Variants in SLC9C1 observed in about 807,000 individuals in gnomAD.
The protein encoded by SLC9C1 is solute carrier family 9 member C1, also known as sodium/hydrogen exchanger 10.
SLC9C1 carries 97 observed loss-of-function variants against 140.9 expected under a neutral mutation model. The observed-to-expected ratio is 0.69, with a 90% CI of 0.58 to 0.82. SLC9C1 has a LOEUF of 0.82. Ranked by LOEUF, SLC9C1 falls within the 40% of genes least tolerant of loss-of-function variation. The pLI is 0.00. For missense variants in SLC9C1, 1,340 were observed against 1,389.3 expected (o/e 0.96, Z 0.56); for synonymous variants, 440 against 442.6 (o/e 0.99, Z 0.07).
rs2078415428 is a variant in SLC9C1, at chr3:112,217,498, T to C, written c.1734A>G (p.Arg578=). 6.2e-7 allele frequency: 1 copy of C among 1,610,984 alleles called. No homozygotes were observed. The highest frequency in any genetic ancestry group is 1.1e-5 in the South Asian group (1 of 90,094). Residue 578 remains arginine, a synonymous_variant, in exon 15 of 29, where the codon AGA becomes AGG. Transcript: ENST00000305815. ...TATACACCCAATTAAGTAGTAGTTT[T>C]CTAGCAAAGGTAACTGTTTTTTGGC... The part of the protein sequence containing the change: ...SESQKTVTFA[R]KLLLNWVYNT...
chr3:112,159,073 C>G (rs922119405), intron 26 of SLC9C1, among the ~76,000 whole-genome samples: 7 of 151,140 alleles, frequency 4.6e-5, no homozygotes, highest in African/African-American at 1.5e-4. Context: ...TTCAAGTTCC[C>G]TGAGGTGTGT....
At position 112,221,227 on chromosome 3, in the gene SLC9C1, T is replaced by TA. The variant is rs761439476; in HGVS notation, c.1573-3dup. Reference sequence around the variant, plus strand: ...CCTGTATTGTCTCTGGTAGCTTGCCTAAAAAAATATTAATTCAAGTCATTA... The same window carrying TA: ...CCTGTATTGTCTCTGGTAGCTTGCCTAAAAAAAATATTAATTCAAGTCATTA... On this transcript the variant is annotated splice_polypyrimidine_tract_variant and splice_region_variant and intron_variant, in intron 13 of 28. Transcript: ENST00000305815. The TA allele has an allele frequency of 6.1e-5, 98 of 1,611,574 alleles. No homozygotes were observed. The highest frequency in any genetic ancestry group is 7.5e-5 in the Non-Finnish European group (88 of 1,178,462).
intron 10 of SLC9C1, among the ~76,000 whole-genome samples, chr3:112,254,991 G>GCATT (rs1164577137): frequency 6.6e-6 from 1 of 151,972 alleles, no homozygotes; most frequent in African/African-American, 2.4e-5. Flanking sequence ...ACAAAGAAGG[G>GCATT]CATTACACAA....
At chr3:112,233,405 T>A (rs2108182017) in intron 12 of SLC9C1, among the ~76,000 whole-genome samples, 1 of 152,282 alleles carries the variant, frequency 6.6e-6, no homozygotes, top group Non-Finnish European at 1.5e-5. Context: ...CACAGCCTCC[T>A]CTTTTGAATT....
intron 6 of SLC9C1, among the ~76,000 whole-genome samples, chr3:112,273,655 A>T (rs372035494): frequency 2.0e-5 from 3 of 152,296 alleles, no homozygotes; most frequent in East Asian, 3.9e-4. Flanking sequence ...ATAGGAAAGA[A>T]TAGAGGTATA....
In SLC9C1 at chr3:112,172,072, T is replaced by TA. The variant is rs2077257475; in HGVS notation, c.2920-2745dup. Among the ~76,000 whole-genome samples the TA allele has an allele frequency of 2.6e-5, 4 of 152,236 alleles. No individual in the cohort carries two copies. The South Asian group carries it at 8.3e-4, about 32-fold the overall frequency. On this transcript the variant is annotated intron_variant, in intron 23 of 28. Coordinates refer to ENST00000305815, the MANE Select transcript of SLC9C1 (RefSeq NM_183061.3). ...ACTTTTTTATATTTGTTTTGCCTAT[T>TA]ATAGGTCCTCTGCATTTTCATATAT...
chr3:112,209,202 G>A (rs964335549), intron 15 of SLC9C1, among the ~76,000 whole-genome samples: 1 of 72,780 alleles, frequency 1.4e-5, no homozygotes, highest in African/African-American at 4.4e-5. Context: ...TACAATTTTG[G>A]ATACCATTTG....
chr3:112,278,671 T>A, intron 4 of SLC9C1, 58 bp downstream of exon 4: 2 of 1,511,446 alleles, frequency 1.3e-6, no homozygotes, highest in Non-Finnish European at 1.8e-6. Context: ...TTTAAAAATT[T>A]GAACATAGAT....
chr3:112,195,553 TGTTAA>T (rs528568453), intron 20 of SLC9C1, among the ~76,000 whole-genome samples: 91 of 152,228 alleles, frequency 6.0e-4, no homozygotes, highest in African/African-American at 2.1e-3. Context: ...TTGTCTTTTG[TGTTAA>T]GTTGATTTTT....
chr3:112,150,840 A>ATATAT (rs1331641000), intron 28 of SLC9C1, among the ~76,000 whole-genome samples: 23 of 57,324 alleles, frequency 4.0e-4, no homozygotes, highest in African/African-American at 1.5e-3. Context: ...ATATATATAT[A>ATATAT]TTTTTTTTTT....
intron 10 of SLC9C1, among the ~76,000 whole-genome samples, chr3:112,259,598 A>G (rs1237269627): frequency 1.3e-5 from 2 of 152,130 alleles, no homozygotes; most frequent in Non-Finnish European, 1.5e-5. Context: ...CACAAGGAAG[A>G]AAACAACAGA....
In SLC9C1 at chr3:112,152,031, A is replaced by G. The variant is rs147236614; in HGVS notation, c.3418-68T>C. The G allele has an allele frequency of 7.9e-3, 9,585 of 1,221,018 alleles. 58 individuals are homozygous for G. Among genetic ancestry groups the G allele is most frequent in the Middle Eastern group, 0.019 (68 of 3,590 alleles). 75.6% of individuals were successfully genotyped at this position (1,221,018 alleles called of 1,614,324 possible). A position where few individuals can be genotyped will look rare whatever the true frequency, so the allele number is the denominator to read the frequency against. ...TTTTGAAGGGGGCCTGCCCCTCCACACCTGTGGGTATTTCTCGCAAGGTGG... is the reference window on the plus strand; with the variant it reads ...TTTTGAAGGGGGCCTGCCCCTCCACGCCTGTGGGTATTTCTCGCAAGGTGG... On this transcript the variant is annotated intron_variant, in intron 27 of 28. Coordinates refer to ENST00000305815, the MANE Select transcript of SLC9C1 (RefSeq NM_183061.3).
chr3:112,167,135 T>C, intron 26 of SLC9C1, 86 bp downstream of exon 26: 3 of 1,482,422 alleles, frequency 2.0e-6, no homozygotes, highest in Non-Finnish European at 2.8e-6. Context: ...TTAGGCAGAA[T>C]GCAAACAACA....
chr3:112,252,846 G>C (rs1255707294), intron 10 of SLC9C1, among the ~76,000 whole-genome samples: 1 of 151,782 alleles, frequency 6.6e-6, no homozygotes, highest in African/African-American at 2.4e-5. Context: ...CTCCACAGTA[G>C]GCGAGATCTA....
In SLC9C1 at chr3:112,234,086, G is replaced by C. The variant is rs375056189; in HGVS notation, c.1447-2600C>G. 8.5e-5 allele frequency among the ~76,000 whole-genome samples: 13 copies of C among 152,112 alleles called. No individual in the cohort carries two copies. In the East Asian group the frequency reaches 2.3e-3, roughly 27 times the overall value. On this transcript the variant is annotated intron_variant, in intron 12 of 28. Coordinates refer to ENST00000305815, the MANE Select transcript of SLC9C1 (RefSeq NM_183061.3). ...CTTCCACAATGGTTGAACTAGTTTA[G>C]AGTCCCACCAACAGTGTAAAAGTGC...
At chr3:112,258,489 A>G (rs373358600) in intron 10 of SLC9C1, among the ~76,000 whole-genome samples, 72 of 152,056 alleles carry the variant, frequency 4.7e-4, no homozygotes, top group African/African-American at 1.6e-3. Context: ...GCTGGAGTGC[A>G]ACAGTGCAAT....
chr3:112,255,010 G>A (rs993004600), intron 10 of SLC9C1, among the ~76,000 whole-genome samples: 5 of 151,984 alleles, frequency 3.3e-5, no homozygotes, highest in African/African-American at 9.7e-5. Flanking sequence ...AATGGTAAAG[G>A]GTTCAATTCA....
intron 20 of SLC9C1, among the ~76,000 whole-genome samples, chr3:112,190,091 G>T (rs933156756): frequency 6.6e-6 from 1 of 152,134 alleles, no homozygotes; most frequent in African/African-American, 2.4e-5. Flanking sequence ...TTTGTATCCC[G>T]AGACTTTGCT....
intron 10 of SLC9C1, among the ~76,000 whole-genome samples, chr3:112,257,151 C>T (rs1243730196): frequency 6.6e-6 from 1 of 152,122 alleles, no homozygotes; most frequent in African/African-American, 2.4e-5. Flanking sequence ...AAATTGAATG[C>T]TATTCTTATC....
Sources: gnomAD v4.1 joint callset for allele counts (sites outside exome capture counted in the v4.1 genomes callset) on GRCh38, gnomAD v4.1.1 for gene constraint, MANE v1.5 for transcripts, NCBI Gene and HGNC (gene_info 2026-07-23, HGNC 2026-07-21) for gene names.